Variants in ATRNL1 observed in about 807,000 individuals in gnomAD.
ATRNL1 encodes the protein attractin like 1.
In ATRNL1, 95 loss-of-function variants were observed where a neutral mutation model predicts 182.7. The observed-to-expected ratio is 0.52, with a 90% CI of 0.44 to 0.62. The LOEUF (loss-of-function observed/expected upper bound fraction) is 0.62. Ranked by LOEUF, ATRNL1 falls within the 20% of genes least tolerant of loss-of-function variation. ATRNL1 has a pLI of 0.00. For synonymous variants in ATRNL1, 576 were observed against 568.3 expected (o/e 1.01, Z -0.19); for missense variants, 1,471 against 1,679.5 (o/e 0.88, Z 2.17).
chr10:115,858,337 C>T (rs1951233881), intron 28 of ATRNL1, among the ~76,000 whole-genome samples: 1 of 152,138 alleles, frequency 6.6e-6, no homozygotes, highest in South Asian at 2.1e-4. Context: ...GGTATATATA[C>T]ACCATGGAGT....
intron 28 of ATRNL1, among the ~76,000 whole-genome samples, chr10:115,909,973 T>C (rs1555115502): frequency 6.6e-6 from 1 of 152,202 alleles, no homozygotes; most frequent in Non-Finnish European, 1.5e-5. Flanking sequence ...AGTTGGCTGT[T>C]ACTGAGGATG....
chr10:115,698,442 G>A (rs934978074), intron 26 of ATRNL1, among the ~76,000 whole-genome samples: 2 of 152,094 alleles, frequency 1.3e-5, no homozygotes, highest in Admixed American at 1.3e-4. Context: ...CATACTGATA[G>A]AGTTCAGTTG....
chr10:115,770,005 C>CA (rs1336960505), intron 27 of ATRNL1, among the ~76,000 whole-genome samples: 2 of 152,110 alleles, frequency 1.3e-5, no homozygotes, highest in Non-Finnish European at 2.9e-5. Context: ...CTCATTTGCA[C>CA]AAGTCCCTTC....
Position 115,266,993 on chromosome 10 carries a change from C to G in ATRNL1, c.1969C>G (p.Pro657Ala). ...NTNNILRAKC[P>A]PKTAASDDRC... is the part of the protein sequence containing the mutation. The stretch of plus-strand genomic sequence containing the variant: ...TAATAATATTCTTAGAGCAAAGTGC[C>G]CTCCTAAAACAGGTAAATTTCTTTT... Residue 657 changes from proline (P) to alanine (A), a missense_variant, in exon 12 of 29, where the codon CCT (proline) becomes GCT (alanine). By Grantham distance (27) the Pro-to-Ala change is conservative. Coordinates refer to ENST00000355044, the MANE Select transcript of ATRNL1 (RefSeq NM_207303.4). 6.3e-7 allele frequency: 1 copy of G among 1,598,272 alleles called. No individual in the cohort carries two copies. Among genetic ancestry groups the G allele is most frequent in the Non-Finnish European group, 8.5e-7 (1 of 1,170,488 alleles).
rs1339788471 is a variant in ATRNL1, at chr10:115,587,610, C to A, written c.3795+38074C>A. Reference sequence around the variant, plus strand: ...CCCGAGTGAGGCAATGCCTCGCCCGCTTCGGCTCGCGCATGGTGCGTGCAC... The same window carrying A: ...CCCGAGTGAGGCAATGCCTCGCCCGATTCGGCTCGCGCATGGTGCGTGCAC... On this transcript the variant is annotated intron_variant, in intron 26 of 28. Transcript: ENST00000355044. Among the ~76,000 whole-genome samples the A allele has an allele frequency of 6.2e-5, 7 of 113,576 alleles. No individual in the cohort carries two copies. The East Asian group carries it at 2.9e-3, about 47-fold the overall frequency. 74.5% of individuals were successfully genotyped at this position (113,576 alleles called of 152,430 possible). A position where few individuals can be genotyped will look rare whatever the true frequency, so the allele number is the denominator to read the frequency against.
rs188224190 is a variant in ATRNL1, at chr10:115,240,263, T to A, written c.1533-1308T>A. On this transcript the variant is annotated intron_variant, in intron 9 of 28. Transcript: ENST00000355044. The stretch of plus-strand genomic sequence containing the variant: ...GCTTCATACTTTTTTCCTTTTTTTT[T>A]TTTTTTGAGACAGAGTCTCACTCTG... Among the ~76,000 whole-genome samples, 89 of 151,530 alleles carry A rather than the reference T, an allele frequency of 5.9e-4. 1 individual carries two copies. In the East Asian group the frequency reaches 0.017, roughly 28 times the overall value.
chr10:115,210,938 G>A (rs1384449977), intron 8 of ATRNL1, among the ~76,000 whole-genome samples: 4 of 151,282 alleles, frequency 2.6e-5, no homozygotes, highest in South Asian at 4.2e-4. Flanking sequence ...CTTGAGTATC[G>A]GATGGTGTTA....
chr10:115,256,148 T>C (rs1851122505), intron 10 of ATRNL1, among the ~76,000 whole-genome samples: 1 of 152,244 alleles, frequency 6.6e-6, no homozygotes, highest in African/African-American at 2.4e-5. Flanking sequence ...GATGCTGGCC[T>C]CATAAAATGA....
At chr10:115,405,401 A>G (rs369113621) in intron 20 of ATRNL1, among the ~76,000 whole-genome samples, 5 of 152,170 alleles carry the variant, frequency 3.3e-5, no homozygotes, top group African/African-American at 9.6e-5. Flanking sequence ...TGTAGTGGCT[A>G]TGTTGTATAG....
intron 25 of ATRNL1, among the ~76,000 whole-genome samples, chr10:115,535,191 C>T (rs1262343051): frequency 1.3e-5 from 2 of 152,032 alleles, no homozygotes; most frequent in Non-Finnish European, 2.9e-5. Flanking sequence ...TGGATAATAT[C>T]CTGCAGAGTG....
intron 27 of ATRNL1, among the ~76,000 whole-genome samples, chr10:115,732,830 T>G (rs1947839345): frequency 6.6e-6 from 1 of 152,168 alleles, no homozygotes; most frequent in Non-Finnish European, 1.5e-5. Context: ...ATAGAGTTAC[T>G]TAAAGTTCAT....
intron 26 of ATRNL1, among the ~76,000 whole-genome samples, chr10:115,608,145 A>G (rs116592535): frequency 0.012 from 1,797 of 152,078 alleles, 31 homozygotes; most frequent in African/African-American, 0.04. Context: ...TAGCATTTTT[A>G]GAGTTTTTAA....
At chr10:115,654,998 T>C (rs1394884897) in intron 26 of ATRNL1, among the ~76,000 whole-genome samples, 1 of 152,072 alleles carries the variant, frequency 6.6e-6, no homozygotes. Flanking sequence ...AAGTCTGTCT[T>C]CCCTGAGTGA....
chr10:115,823,948 A>T (rs182205032), intron 27 of ATRNL1, among the ~76,000 whole-genome samples: 1 of 152,312 alleles, frequency 6.6e-6, no homozygotes, highest in African/African-American at 2.4e-5. Flanking sequence ...ATATGGAACC[A>T]AAAAAGATCC....
intron 5 of ATRNL1, among the ~76,000 whole-genome samples, chr10:115,151,850 C>T (rs1311519382): frequency 6.6e-6 from 1 of 152,018 alleles, no homozygotes; most frequent in African/African-American, 2.4e-5. Flanking sequence ...GTTTTAGGTC[C>T]AACATTTAAG....
chr10:115,315,589 C>G lies in ATRNL1; in HGVS notation c.2890C>G (p.Pro964Ala). 1.9e-6 allele frequency: 3 copies of G among 1,613,836 alleles called. No homozygotes were observed. The highest frequency in any genetic ancestry group is 2.5e-6 in the Non-Finnish European group (3 of 1,179,938). ...EQPGCGWCND[P>A]SNTGRGHCIE... Reference sequence around the variant, plus strand: ...GCCTGGATGTGGCTGGTGCAATGATCCTAGTAATACAGGAAGAGGACATTG... The same window carrying G: ...GCCTGGATGTGGCTGGTGCAATGATGCTAGTAATACAGGAAGAGGACATTG... The change falls in exon 18 of 29, where the codon CCT (proline) becomes GCT (alanine). Residue 964 changes from proline to alanine, a missense_variant. This residue lies in a region of ATRNL1 where 437 missense variants were observed against 506.0 expected (regional missense o/e 0.86). Coordinates refer to ENST00000355044, the MANE Select transcript of ATRNL1 (RefSeq NM_207303.4).
intron 26 of ATRNL1, among the ~76,000 whole-genome samples, chr10:115,605,435 A>G (rs1452516039): frequency 1.3e-5 from 2 of 152,094 alleles, no homozygotes; most frequent in Non-Finnish European, 2.9e-5. Flanking sequence ...CAGTTAGCAT[A>G]TATATTTTAA....
intron 19 of ATRNL1, among the ~76,000 whole-genome samples, chr10:115,336,972 A>G (rs1226822410): frequency 3.1e-5 from 1 of 32,166 alleles, no homozygotes; most frequent in African/African-American, 8.4e-5. Flanking sequence ...CAGCCTCCCA[A>G]GTAGCTGGGG....
intron 24 of ATRNL1, among the ~76,000 whole-genome samples, chr10:115,507,259 G>A (rs1850160262): frequency 6.6e-6 from 1 of 152,038 alleles, no homozygotes; most frequent in Admixed American, 6.6e-5. Flanking sequence ...AAGCAGGTTG[G>A]CTCTAGGCAG....
Sources: allele counts gnomAD v4.1 joint callset (sites outside exome capture counted in the v4.1 genomes callset), GRCh38; gene constraint gnomAD v4.1.1; regional missense constraint gnomAD v4.1.1; transcripts MANE v1.5; gene names NCBI Gene and HGNC (gene_info 2026-07-23, HGNC 2026-07-21).